CENPL: variants seen among roughly 807,000 people sequenced by gnomAD.
The protein encoded by CENPL is interphase centromere complex protein 33.
In CENPL, 20 loss-of-function variants were observed where a neutral mutation model predicts 35.2. The ratio of observed to expected loss-of-function variants is 0.57; its 90% confidence interval spans 0.40 to 0.83. The LOEUF is 0.83. CENPL is among the 40% of genes least tolerant of loss of function. The probability of loss-of-function intolerance (pLI) is 0.00; values close to 1 mark genes in which losing one functional copy is unlikely to be tolerated. For synonymous variants in CENPL, 140 were observed against 140.6 expected (o/e 1.00, Z 0.03); for missense variants, 363 against 395.8 (o/e 0.92, Z 0.70).
rs1045712997 is a variant in CENPL, at chr1:173,800,250, T to C, written c.*198A>G. The C allele has an allele frequency of 7.0e-6, 3 of 427,544 alleles. No individual in the cohort carries two copies. Among genetic ancestry groups the C allele is most frequent in the Middle Eastern group, 6.5e-4 (1 of 1,550 alleles). The allele number at this position is 427,544 out of a possible 1,614,324, so 26.5% of individuals were successfully genotyped here. The stretch of plus-strand genomic sequence containing the variant: ...TTATCATGATTAGTACATGGGCACC[T>C]GGCTGTGGCTCATCTACTACCATAT... On this transcript the variant is annotated 3_prime_UTR_variant, in exon 6 of 6. Coordinates refer to ENST00000682279, the MANE Select transcript of CENPL (RefSeq NM_001387287.1).
intron 3 of CENPL, among the ~76,000 whole-genome samples, 172 bp downstream of exon 3, chr1:173,810,960 T>C (rs1650757734): frequency 6.6e-6 from 1 of 152,012 alleles, no homozygotes; most frequent in Non-Finnish European, 1.5e-5. Context: ...AAAAAACAAA[T>C]AAAAGACATA....
intron 3 of CENPL, among the ~76,000 whole-genome samples, chr1:173,810,009 G>C (rs1650655509): frequency 6.6e-6 from 1 of 152,070 alleles, no homozygotes; most frequent in Non-Finnish European, 1.5e-5. Context: ...CTCCTTACTG[G>C]GTATATACCC....
At position 173,803,284 on chromosome 1, in the gene CENPL, A is replaced by G. The variant is rs1649918061; in HGVS notation, c.642T>C (p.Asn214=). ...FDCYFSPLAI[N]AFNLSWMAAM... is the part of the protein sequence containing the mutation. Reference sequence around the variant, plus strand: ...CAGCCATCCAGGAAAGATTAAATGCATTGATTGCTAAAGGACTGAAATAAC... The same window carrying G: ...CAGCCATCCAGGAAAGATTAAATGCGTTGATTGCTAAAGGACTGAAATAAC... The change falls in exon 5 of 6, where the codon AAT becomes AAC. Residue 214 remains asparagine, a synonymous_variant. Transcript: ENST00000682279. The G allele has an allele frequency of 9.9e-6, 16 of 1,613,570 alleles. No individual in the cohort carries two copies. The highest frequency in any genetic ancestry group is 1.4e-5 in the Non-Finnish European group (16 of 1,179,430).
At chr1:173,814,165 G>C (rs1651125591) in intron 2 of CENPL, among the ~76,000 whole-genome samples, 1 of 152,058 alleles carries the variant, frequency 6.6e-6, no homozygotes, top group African/African-American at 2.4e-5. Context: ...CAATACAGGA[G>C]CACCCAGATT....
At chr1:173,821,067 A>G (rs557314708) in intron 2 of CENPL, among the ~76,000 whole-genome samples, 1 of 152,348 alleles carries the variant, frequency 6.6e-6, no homozygotes, top group Admixed American at 6.5e-5. Flanking sequence ...CCTATTTCAA[A>G]GGGAATTTTA....
chr1:173,807,417 C>T lies in CENPL; in HGVS notation c.270G>A (p.Glu90=), dbSNP rs751337998. The change falls in exon 4 of 6, where the codon GAG becomes GAA. Residue 90 remains glutamate (E), a synonymous_variant. Transcript: ENST00000682279. ...TAAAAGCATTGAGAAGTCTAGAATA[C>T]TCTTTGAGATTACTATAGGAGAATT... ...LYKFSYSNLK[E]YSRLLNAFIV... The T allele has an allele frequency of 1.2e-6, 2 of 1,612,150 alleles. No homozygotes were observed. Among genetic ancestry groups the T allele is most frequent in the South Asian group, 2.2e-5 (2 of 90,884 alleles).
At chr1:173,806,435 T>G (rs1305200497) in intron 4 of CENPL, 16 of 444,688 alleles carry the variant, frequency 3.6e-5, no homozygotes, top group Non-Finnish European at 9.0e-6. Flanking sequence ...AATACAAAAT[T>G]TACCCGAGTG....
At chr1:173,807,612 T>A in intron 3 of CENPL, 94 bp from the exon 4 acceptor site, 6 of 1,047,844 alleles carry the variant, frequency 5.7e-6, no homozygotes, top group South Asian at 2.2e-5. Context: ...AAATATATTA[T>A]TGAGTACCTG....
rs754888286 is a variant in CENPL, at chr1:173,800,412, A to T, written c.*36T>A. The T allele has an allele frequency of 1.2e-6, 1 of 807,876 alleles. No individual in the cohort carries two copies. The highest frequency in any genetic ancestry group is 2.1e-6 in the Non-Finnish European group (1 of 474,600). The allele number at this position is 807,876 out of a possible 1,614,324, so 50.0% of individuals were successfully genotyped here. On this transcript the variant is annotated 3_prime_UTR_variant, in exon 6 of 6. Coordinates refer to ENST00000682279, the MANE Select transcript of CENPL (RefSeq NM_001387287.1). The stretch of plus-strand genomic sequence containing the variant: ...AGCAATTAGGCAAGTTATCAATAAG[A>T]GTATATAATCTATAACTTATAGTCC...
intron 3 of CENPL, among the ~76,000 whole-genome samples, chr1:173,809,620 A>AC (rs2102582661): frequency 6.6e-6 from 1 of 150,822 alleles, no homozygotes; most frequent in South Asian, 2.1e-4. Flanking sequence ...AACAACAACA[A>AC]AAAAAAAACA....
chr1:173,812,943 T>A (rs1650985086), intron 2 of CENPL, among the ~76,000 whole-genome samples: 1 of 152,100 alleles, frequency 6.6e-6, no homozygotes, highest in Non-Finnish European at 1.5e-5. Context: ...GTTAGATGAA[T>A]GGCTAACTAG....
intron 2 of CENPL, among the ~76,000 whole-genome samples, chr1:173,820,990 C>T (rs1351776898): frequency 6.6e-6 from 1 of 152,160 alleles, no homozygotes; most frequent in Non-Finnish European, 1.5e-5. Context: ...TGACTCTACA[C>T]CAGACACCAC....
intron 2 of CENPL, 77 bp from the exon 3 acceptor site, chr1:173,811,383 C>G: frequency 2.1e-6 from 2 of 971,924 alleles, no homozygotes; most frequent in Non-Finnish European, 3.1e-6. Context: ...TGATTCCTCA[C>G]TCTAAAGGAA....
At chr1:173,814,040 A>T (rs1176761124) in intron 2 of CENPL, among the ~76,000 whole-genome samples, 3 of 152,182 alleles carry the variant, frequency 2.0e-5, no homozygotes, top group Non-Finnish European at 4.4e-5. Flanking sequence ...ATCTCTGATA[A>T]AACAGACTTT....
chr1:173,821,514 C>CT (rs1354156382), intron 2 of CENPL, among the ~76,000 whole-genome samples: 3 of 152,108 alleles, frequency 2.0e-5, no homozygotes, highest in Admixed American at 2.0e-4. Flanking sequence ...GAGAAAAAGA[C>CT]TATCAGCACT....
rs1650327988 is a variant in CENPL at position 173,807,354 on chromosome 1, C to T, written c.333G>A (p.Val111=). ...TCACTTTGATGTTGAAGTCTTCTCC[C>T]ACTTCCACAGCAAGTCCTTTTTGCT... is the stretch of plus-strand genomic sequence containing the variant. ...AEKQKGLAVE[V]GEDFNIKVIF... The change falls in exon 4 of 6, where the codon GTG becomes GTA. Residue 111 remains valine, a synonymous_variant. Transcript: ENST00000682279. 7 of 1,613,454 alleles carry T rather than the reference C, an allele frequency of 4.3e-6. No homozygotes were observed. The South Asian group carries it at 6.6e-5, about 15-fold the overall frequency.
chr1:173,815,941 T>C lies in CENPL; in HGVS notation c.-7-4635A>G, dbSNP rs948190773. 7.2e-5 allele frequency among the ~76,000 whole-genome samples: 11 copies of C among 152,176 alleles called. 1 individual carries two copies. Among genetic ancestry groups the C allele is most frequent in the Admixed American group, 3.3e-4 (5 of 15,274 alleles). On this transcript the variant is annotated intron_variant, in intron 2 of 5. Coordinates refer to ENST00000682279, the MANE Select transcript of CENPL (RefSeq NM_001387287.1). ...ATGACTGTATATTTAGAAAACCCCA[T>C]TGTCTCAGCCCAAAATCTCCTTAAG...
At chr1:173,821,262 A>T (rs528660500) in intron 2 of CENPL, among the ~76,000 whole-genome samples, 10 of 152,362 alleles carry the variant, frequency 6.6e-5, no homozygotes, top group Admixed American at 5.2e-4. Context: ...AGGAAATCAG[A>T]CAAGTTAAGT....
intron 5 of CENPL, among the ~76,000 whole-genome samples, chr1:173,802,077 T>C (rs991395577): frequency 6.6e-6 from 1 of 151,962 alleles, no homozygotes; most frequent in Non-Finnish European, 1.5e-5. Flanking sequence ...AGGGTTGCTC[T>C]AAAGATTAGA....
Sources: allele counts gnomAD v4.1 joint callset (sites outside exome capture counted in the v4.1 genomes callset), GRCh38; gene constraint gnomAD v4.1.1; transcripts MANE v1.5; gene names NCBI Gene and HGNC (gene_info 2026-07-23, HGNC 2026-07-21).